The following USP8 variants were observed in gnomAD, a reference collection of about 807,000 sequenced individuals.
USP8 encodes the protein ubiquitin carboxyl-terminal hydrolase 8.
USP8 carries 27 observed loss-of-function variants against 130.0 expected under a neutral mutation model. The observed-to-expected ratio is 0.21, with a 90% CI of 0.15 to 0.29. The LOEUF is 0.29. Among genes scored for constraint, USP8 ranks in the 10% least tolerant of loss-of-function variants. The pLI is 1.00. For synonymous variants in USP8, 392 were observed against 444.1 expected (o/e 0.88, Z 1.48); for missense variants, 1,029 against 1,312.2 (o/e 0.78, Z 3.33).
chr15:50,468,227 T>A lies in USP8; in HGVS notation c.686+3036T>A, dbSNP rs1397131344. Among the ~76,000 whole-genome samples, 3 of 146,416 alleles carry A rather than the reference T, an allele frequency of 2.0e-5. No individual in the cohort carries two copies. The Admixed American group carries it at 2.1e-4, about 10-fold the overall frequency. ...CTGGGATTACAGGTGTGAGCCACTG[T>A]ACCTGGCCTTTTTTTTTTTTTTTTT... On this transcript the variant is annotated intron_variant, in intron 7 of 19. Transcript: ENST00000307179.
chr15:50,444,619 C>T (rs960304868), intron 3 of USP8: 2 of 152,082 alleles, frequency 1.3e-5, no homozygotes, highest in Admixed American at 1.3e-4. Flanking sequence ...GAAGTCCAGG[C>T]TGAGACGCTC....
chr15:50,497,704 TAGAA>T (rs1285585935), intron 18 of USP8: 2 of 152,208 alleles, frequency 1.3e-5, no homozygotes, highest in Non-Finnish European at 2.9e-5. Flanking sequence ...AGTCCTATAA[TAGAA>T]GGAATAATGA....
intron 12 of USP8, among the ~76,000 whole-genome samples, chr15:50,486,498 G>A (rs1187755907): frequency 1.3e-5 from 2 of 151,628 alleles, no homozygotes; most frequent in Non-Finnish European, 2.9e-5. Flanking sequence ...CAAACAAAAG[G>A]GGAAAAAATG....
chr15:50,426,932 A>G (rs1268115820), intron 1 of USP8: 2 of 150,964 alleles, frequency 1.3e-5, no homozygotes, highest in African/African-American at 2.4e-5. Context: ...TACACTTCCA[A>G]TTTCCAGTTT....
chr15:50,426,180 TA>T (rs1352036661), intron 1 of USP8, among the ~76,000 whole-genome samples: 1 of 152,132 alleles, frequency 6.6e-6, no homozygotes, highest in African/African-American at 2.4e-5. Flanking sequence ...GACTTTTGGG[TA>T]AGACAGTTGG....
intron 8 of USP8, among the ~76,000 whole-genome samples, chr15:50,474,228 T>A (rs1370574196): frequency 1.3e-5 from 2 of 152,070 alleles, no homozygotes; most frequent in Non-Finnish European, 2.9e-5. Flanking sequence ...GTCTCAAAAC[T>A]CCTGGGCTCA....
intron 13 of USP8, 26 bp downstream of exon 13, chr15:50,489,907 T>G: frequency 6.6e-7 from 1 of 1,519,850 alleles, no homozygotes; most frequent in Non-Finnish European, 8.9e-7. Context: ...AGCAGTAAAA[T>G]AGCCACTGTG....
At position 50,513,890 on chromosome 15, in the gene USP8, T is replaced by G. The variant is rs1425120112; in HGVS notation, c.*14802T>G. 1 of 152,152 alleles carries G rather than the reference T, an allele frequency of 6.6e-6. No homozygotes were observed. Among genetic ancestry groups the G allele is most frequent in the Non-Finnish European group, 1.5e-5 (1 of 68,022 alleles). 9.4% of individuals were successfully genotyped at this position (152,152 alleles called of 1,614,324 possible). The stretch of plus-strand genomic sequence containing the variant: ...GTACTAAAGCCAGACATATGCGTAT[T>G]TCTGAACCAGGAGTTTCACTCCTAG... On this transcript the variant is annotated 3_prime_UTR_variant, in exon 20 of 20. Transcript: ENST00000307179.
rs542709964 is a variant in USP8 at position 50,508,069 on chromosome 15, C to CAAAAAAAAAAAAAAAAAAAA, written c.*8987_*9006dup. 1.5e-5 allele frequency: 1 copy of CAAAAAAAAAAAAAAAAAAAA among 66,724 alleles called. No individual in the cohort carries two copies. Among genetic ancestry groups the CAAAAAAAAAAAAAAAAAAAA allele is most frequent in the African/African-American group, 6.3e-5 (1 of 15,850 alleles). 4.1% of individuals were successfully genotyped at this position (66,724 alleles called of 1,614,324 possible). On this transcript the variant is annotated 3_prime_UTR_variant, in exon 20 of 20. Transcript: ENST00000307179. ...CGGGCGACAGTGCAAGACTCTGTCT[C>CAAAAAAAAAAAAAAAAAAAA]AAAAAAAAAAAAAAAAAAAAAAAAA... is the stretch of plus-strand genomic sequence containing the variant.
In USP8 at chr15:50,489,801, G is replaced by T. The variant is rs764450802; in HGVS notation, c.1891G>T (p.Ala631Ser). The T allele has an allele frequency of 1.3e-6, 2 of 1,501,158 alleles. No homozygotes were observed. 93.0% of individuals were successfully genotyped at this position (1,501,158 alleles called of 1,614,324 possible). The stretch of plus-strand genomic sequence containing the variant: ...ATTTTTTTTATTTTATTTTAATTAG[G>T]CTCAACGAGAACCTTTGACAAGAGC... ...EDTDDTERNKAQREPLTRARS... is the reference protein window; with the variant it reads ...EDTDDTERNKSQREPLTRARS... The change falls in exon 13 of 20, where the codon GCT (alanine) becomes TCT (serine). Residue 631 changes from alanine (A) to serine (S), a missense_variant and splice_region_variant. Physicochemically the swap from Ala to Ser is moderately conservative, Grantham distance 99. Transcript: ENST00000307179.
intron 1 of USP8, among the ~76,000 whole-genome samples, chr15:50,433,637 T>A (rs1437289881): frequency 6.6e-6 from 1 of 151,826 alleles, no homozygotes; most frequent in Non-Finnish European, 1.5e-5. Flanking sequence ...TGAGATGGAG[T>A]CTCTGTTGCC....
chr15:50,435,615 T>A, intron 1 of USP8, among the ~76,000 whole-genome samples: 1 of 152,178 alleles, frequency 6.6e-6, no homozygotes, highest in Non-Finnish European at 1.5e-5. Flanking sequence ...ACGTGTGTGA[T>A]TGTAGAGGCT....
chr15:50,494,066 A>G lies in USP8; in HGVS notation c.2448-4A>G. On this transcript the variant is annotated splice_region_variant and splice_polypyrimidine_tract_variant and intron_variant, in intron 15 of 19. Transcript: ENST00000307179. ...GTCTTTTGTAACAACTTTTATTTGC[A>G]CAGGTCAAATTTGTTGGGGCATAAA... 1.2e-6 allele frequency: 2 copies of G among 1,600,144 alleles called. No individual in the cohort carries two copies. The highest frequency in any genetic ancestry group is 1.7e-6 in the Non-Finnish European group (2 of 1,175,740).
chr15:50,471,894 C>T, intron 8 of USP8, 99 bp downstream of exon 8: 1 of 1,110,942 alleles, frequency 9.0e-7, no homozygotes, highest in South Asian at 1.4e-5. Context: ...CTAAAAGATT[C>T]ATCATGCCTT....
At chr15:50,470,140 C>A (rs2051329155) in intron 7 of USP8, among the ~76,000 whole-genome samples, 1 of 152,118 alleles carries the variant, frequency 6.6e-6, no homozygotes, top group South Asian at 2.1e-4. Flanking sequence ...GCTGATTAAA[C>A]CAATATTCAC....
chr15:50,432,291 C>T (rs772646486), intron 1 of USP8: 2 of 152,142 alleles, frequency 1.3e-5, no homozygotes, highest in Non-Finnish European at 2.9e-5. Context: ...TACTTTGTTG[C>T]CCACTTTGTT....
intron 1 of USP8, among the ~76,000 whole-genome samples, chr15:50,436,551 T>G (rs1273807039): frequency 6.6e-6 from 1 of 152,226 alleles, no homozygotes; most frequent in African/African-American, 2.4e-5. Context: ...CAGGCTGGAG[T>G]GCAGTGGTGC....
intron 12 of USP8, among the ~76,000 whole-genome samples, chr15:50,489,153 A>G (rs1466500640): frequency 2.0e-5 from 3 of 152,194 alleles, no homozygotes; most frequent in South Asian, 4.1e-4. Flanking sequence ...GCCTCAATAT[A>G]TTGGCTTGTT....
At chr15:50,456,466 G>A (rs1048500021) in intron 4 of USP8, among the ~76,000 whole-genome samples, 2 of 151,696 alleles carry the variant, frequency 1.3e-5, no homozygotes, top group Non-Finnish European at 2.9e-5. Context: ...CCAGCCACTC[G>A]AGAGGCGGAG....
Sources: allele counts gnomAD v4.1 joint callset (sites outside exome capture counted in the v4.1 genomes callset), GRCh38; gene constraint gnomAD v4.1.1; transcripts MANE v1.5; gene names NCBI Gene and HGNC (gene_info 2026-07-23, HGNC 2026-07-21).